The following MRS2 variants were observed in gnomAD, a reference collection of about 807,000 sequenced individuals.
The protein encoded by MRS2 is magnesium transporter MRS2, also known as magnesium transporter MRS2 homolog, mitochondrial.
A neutral mutation model predicts 52.6 loss-of-function variants in MRS2; 40 were observed. The ratio of observed to expected loss-of-function variants is 0.76; its 90% confidence interval spans 0.59 to 0.99. The LOEUF is 0.99. Among genes scored for constraint, MRS2 ranks in the 50% least tolerant of loss-of-function variants. The pLI, the probability that MRS2 is intolerant of heterozygous loss-of-function variation, is 0.00. For synonymous variants in MRS2, 193 were observed against 195.9 expected, an observed-to-expected ratio of 0.98 and a Z score of 0.13; for missense variants, 472 against 532.7, an observed-to-expected ratio of 0.89 and a Z score of 1.12.
intron 5 of MRS2, among the ~76,000 whole-genome samples, chr6:24,413,836 A>G (rs143783821): frequency 3.1e-3 from 479 of 152,348 alleles, no homozygotes; most frequent in African/African-American, 0.01. Context: ...AGTATATGCT[A>G]TTTGCCAACT....
At position 24,418,588 on chromosome 6, in the gene MRS2, T is replaced by C; in HGVS notation, c.1107+10T>C. On this transcript the variant is annotated intron_variant, in intron 9 of 10. Transcript: ENST00000378386. Reference sequence around the variant, plus strand: ...ATCTTCCCTTGAAGAGGTGAGAATGTATTATTATTTCTAAAACTTGGGGGT... The same window carrying C: ...ATCTTCCCTTGAAGAGGTGAGAATGCATTATTATTTCTAAAACTTGGGGGT... The C allele has an allele frequency of 1.3e-6, 2 of 1,594,164 alleles. No individual in the cohort carries two copies. The highest frequency in any genetic ancestry group is 8.6e-7 in the Non-Finnish European group (1 of 1,162,606).
chr6:24,417,953 AG>A, intron 7 of MRS2, 130 bp from the exon 8 acceptor site: 8 of 412,014 alleles, frequency 1.9e-5, no homozygotes, highest in East Asian at 1.1e-4. Flanking sequence ...AAAAAAAAAA[AG>A]ACAAGACAAG....
rs190355017 is a variant in MRS2, at chr6:24,422,996, G to A, written c.1167G>A (p.Trp389Ter). 1.9e-6 allele frequency: 3 copies of A among 1,614,092 alleles called. No homozygotes were observed. The highest frequency in any genetic ancestry group is 2.5e-6 in the Non-Finnish European group (3 of 1,179,998). The stretch of plus-strand genomic sequence containing the variant: ...TGTTCATGGGAAGTGGCCTCATCTG[G>A]AGGCGCCTGCTTTCATTCCTTGGAC... ...GIMFMGSGLI[W>*]RRLLSFLGRQ... The change falls in exon 10 of 11, where the codon TGG becomes TGA. Residue 389 changes from tryptophan (W) to a stop codon, truncating the protein, a stop_gained. Transcript: ENST00000378386. LOFTEE classifies it high-confidence loss of function.
At chr6:24,421,323 C>T (rs147640147) in intron 9 of MRS2, among the ~76,000 whole-genome samples, 32 of 152,268 alleles carry the variant, frequency 2.1e-4, no homozygotes, top group Non-Finnish European at 3.4e-4. Flanking sequence ...TAGTGAGCTA[C>T]GCTTGCTCAG....
Position 24,423,576 on chromosome 6 carries a change from T to G in MRS2, c.1222-8T>G, listed in dbSNP as rs1393053479. On this transcript the variant is annotated splice_region_variant and splice_polypyrimidine_tract_variant and intron_variant, in intron 10 of 10. Transcript: ENST00000378386. ...AGATACTAAAATTAATACTTCTGCT[T>G]TATTTAGATGGCTTCTTTACCTAAA... is the stretch of plus-strand genomic sequence containing the variant. 1 of 1,516,282 alleles carries G rather than the reference T, an allele frequency of 6.6e-7. No homozygotes were observed. Among genetic ancestry groups the G allele is most frequent in the East Asian group, 2.3e-5 (1 of 44,312 alleles). The allele number at this position is 1,516,282 out of a possible 1,614,324, so 93.9% of individuals were successfully genotyped here.
At position 24,404,629 on chromosome 6, in the gene MRS2, T is replaced by G. The variant is rs1761401108; in HGVS notation, c.191-539T>G. 3.3e-5 allele frequency among the ~76,000 whole-genome samples: 5 copies of G among 150,076 alleles called. No individual in the cohort carries two copies. The South Asian group carries it at 1.1e-3, about 32-fold the overall frequency. ...CAATTTTAAAATAAAGATTTGTCAT[T>G]TCAGCTCAGTGGGGGTATTTCATAA... On this transcript the variant is annotated intron_variant, in intron 1 of 10. Transcript: ENST00000378386.
At chr6:24,410,780 T>C (rs1163139213) in intron 4 of MRS2, 1 of 1,524,110 alleles carries the variant, frequency 6.6e-7, no homozygotes, top group African/African-American at 1.4e-5. Context: ...ACAGTGTCTC[T>C]TTCATGGAGA....
chr6:24,425,491 T>C lies in MRS2; in HGVS notation c.*1797T>C, dbSNP rs897993294. The C allele has an allele frequency of 2.0e-5, 3 of 152,258 alleles. No homozygotes were observed. Among genetic ancestry groups the C allele is most frequent in the East Asian group, 3.8e-4 (2 of 5,198 alleles). 9.4% of individuals were successfully genotyped at this position (152,258 alleles called of 1,614,324 possible). On this transcript the variant is annotated 3_prime_UTR_variant, in exon 11 of 11. Transcript: ENST00000378386. ...AATTTCTGAAGGTGGTTAAATCAAG[T>C]ATGATTTCAAAATATCAACTAGTTC...
chr6:24,410,657 AAAAT>A (rs2127286755), intron 4 of MRS2: 1 of 1,249,814 alleles, frequency 8.0e-7, no homozygotes, highest in Non-Finnish European at 1.1e-6. Context: ...CCCATCTCTA[AAAAT>A]AAATAAGTAA....
intron 9 of MRS2, among the ~76,000 whole-genome samples, chr6:24,420,622 AAAAT>A (rs1762014026): frequency 6.6e-6 from 1 of 152,180 alleles, no homozygotes. Context: ...GCCTCAGAGA[AAAAT>A]AAAGCCAGAG....
chr6:24,405,588 C>T (rs1761440365), intron 2 of MRS2, among the ~76,000 whole-genome samples: 1 of 150,778 alleles, frequency 6.6e-6, no homozygotes, highest in Non-Finnish European at 1.5e-5. Flanking sequence ...TTTGAAAGGT[C>T]ATGATCTCTA....
At chr6:24,412,047 G>A (rs1197539442) in intron 4 of MRS2, among the ~76,000 whole-genome samples, 175 bp from the exon 5 acceptor site, 1 of 149,902 alleles carries the variant, frequency 6.7e-6, no homozygotes, top group Non-Finnish European at 1.5e-5. Context: ...CACTGATTTG[G>A]TTTAGTCTTA....
At position 24,425,121 on chromosome 6, in the gene MRS2, G is replaced by C. The variant is rs1052179975; in HGVS notation, c.*1427G>C. 1 of 152,174 alleles carries C rather than the reference G, an allele frequency of 6.6e-6. No individual in the cohort carries two copies. The highest frequency in any genetic ancestry group is 2.4e-5 in the African/African-American group (1 of 41,430). 9.4% of individuals were successfully genotyped at this position (152,174 alleles called of 1,614,324 possible). ...AACATACAGCACCCTCTAGCATTAC[G>C]AATCTCTTAGGATTTTTAAGATTGT... On this transcript the variant is annotated 3_prime_UTR_variant, in exon 11 of 11. Transcript: ENST00000378386.
At chr6:24,410,673 TA>T in intron 4 of MRS2, 3 of 1,336,646 alleles carry the variant, frequency 2.2e-6, no homozygotes, top group Non-Finnish European at 3.0e-6. Context: ...AATAAGTAAA[TA>T]AAAAATACTT....
chr6:24,403,760 A>G (rs73384206), intron 1 of MRS2, among the ~76,000 whole-genome samples: 1 of 152,206 alleles, frequency 6.6e-6, no homozygotes, highest in African/African-American at 2.4e-5. Flanking sequence ...TTCGGAAGTC[A>G]TAAGTATAAA....
At chr6:24,409,704 T>C in intron 4 of MRS2, 131 bp downstream of exon 4, 1 of 598,554 alleles carries the variant, frequency 1.7e-6, no homozygotes. Flanking sequence ...ATAGGATGTT[T>C]TATAGCTTAA....
intron 10 of MRS2, 92 bp from the exon 11 acceptor site, chr6:24,423,492 C>A: frequency 1.6e-6 from 1 of 634,090 alleles, no homozygotes; most frequent in Non-Finnish European, 2.7e-6. Flanking sequence ...GCTTATAGTC[C>A]TTTCTTCACT....
chr6:24,415,957 G>T (rs965322663), intron 6 of MRS2, among the ~76,000 whole-genome samples: 5 of 152,020 alleles, frequency 3.3e-5, no homozygotes, highest in Admixed American at 1.3e-4. Context: ...TTGAGACGGG[G>T]TTTCACTCCG....
chr6:24,413,827 G>GTATA (rs1300362971), intron 5 of MRS2, among the ~76,000 whole-genome samples: 3 of 152,200 alleles, frequency 2.0e-5, no homozygotes, highest in African/African-American at 7.2e-5. Flanking sequence ...GATTTAGTTA[G>GTATA]TATATGCTAT....
Sources: allele counts gnomAD v4.1 joint callset (sites outside exome capture counted in the v4.1 genomes callset), GRCh38; gene constraint gnomAD v4.1.1; transcripts MANE v1.5; gene names NCBI Gene and HGNC (gene_info 2026-07-23, HGNC 2026-07-21).